Variants in PSKH1 observed in about 807,000 individuals in gnomAD.
PSKH1 encodes serine/threonine-protein kinase H1.
Under a neutral mutation model 26.7 loss-of-function variants are expected in PSKH1, and 12 were observed. The observed-to-expected ratio is 0.45, with a 90% CI of 0.29 to 0.73. PSKH1 has a LOEUF of 0.73. PSKH1 is among the 30% of genes least tolerant of loss of function. The probability of loss-of-function intolerance (pLI) is 0.11; values close to 1 mark genes in which losing one functional copy is unlikely to be tolerated. For missense variants in PSKH1, 431 were observed against 595.2 expected (o/e 0.72, Z 2.87); for synonymous variants, 213 against 234.3 (o/e 0.91, Z 0.83).
chr16:67,927,391 G>T lies in PSKH1; in HGVS notation c.1024G>T (p.Ala342Ser). The T allele has an allele frequency of 6.2e-7, 1 of 1,614,140 alleles. No homozygotes were observed. The highest frequency in any genetic ancestry group is 8.5e-7 in the Non-Finnish European group (1 of 1,179,990). Residue 342 changes from alanine to serine, a missense_variant, in exon 3 of 3, where the codon GCC (alanine) becomes TCC (serine). Coordinates refer to ENST00000291041, the MANE Select transcript of PSKH1 (RefSeq NM_006742.3). The surrounding 1 kb of genome is among the most constrained non-coding windows in gnomAD (Gnocchi z 5.5). ...IDRLLTVDPGARMTALQALRH... is the reference protein window; with the variant it reads ...IDRLLTVDPGSRMTALQALRH... ...CCGCCTGCTGACAGTGGACCCTGGA[G>T]CCCGTATGACTGCACTGCAGGCCCT...
At chr16:67,894,124 G>A (rs1472140987) in intron 1 of PSKH1, among the ~76,000 whole-genome samples, 2 of 152,138 alleles carry the variant, frequency 1.3e-5, no homozygotes, top group Non-Finnish European at 2.9e-5. Flanking sequence ...AACGTGTGGC[G>A]CTCCTGTTAG....
intron 2 of PSKH1, among the ~76,000 whole-genome samples, chr16:67,920,868 T>C (rs2151314579): frequency 6.6e-6 from 1 of 152,284 alleles, no homozygotes; most frequent in South Asian, 2.1e-4. Context: ...CCATCCCATA[T>C]TGACCTACCA....
At chr16:67,901,370 C>T (rs763329978) in intron 1 of PSKH1, among the ~76,000 whole-genome samples, 19 of 152,264 alleles carry the variant, frequency 1.2e-4, no homozygotes, top group Middle Eastern at 3.4e-3. Flanking sequence ...TTCGCTCTAT[C>T]GCCCAGGCTG....
intron 1 of PSKH1, among the ~76,000 whole-genome samples, chr16:67,904,821 A>ATTTTTT (rs942779122): frequency 1.7e-5 from 2 of 115,952 alleles, no homozygotes; most frequent in Non-Finnish European, 1.8e-5. Flanking sequence ...TCCTTTTTTA[A>ATTTTTT]TTTTTTTTTT....
intron 2 of PSKH1, among the ~76,000 whole-genome samples, chr16:67,925,200 T>TC (rs2058212718): frequency 2.8e-5 from 4 of 141,888 alleles, no homozygotes. Flanking sequence ...ATATGAATAT[T>TC]TTTTTTTTTT....
chr16:67,925,618 A>G (rs1476512558), intron 2 of PSKH1, among the ~76,000 whole-genome samples: 1 of 152,064 alleles, frequency 6.6e-6, no homozygotes, highest in African/African-American at 2.4e-5. Context: ...CGTTGGCTGC[A>G]TGCTCCTGGA....
At chr16:67,898,679 A>G (rs1356833872) in intron 1 of PSKH1, among the ~76,000 whole-genome samples, 1 of 144,550 alleles carries the variant, frequency 6.9e-6, no homozygotes, top group Non-Finnish European at 1.5e-5. Context: ...GCTGGAGTGC[A>G]GTGGCGCGAT....
intron 1 of PSKH1, among the ~76,000 whole-genome samples, chr16:67,894,994 G>C (rs1200622631): frequency 3.3e-5 from 5 of 150,358 alleles, no homozygotes; most frequent in Non-Finnish European, 7.4e-5. Flanking sequence ...CGCGATCTTG[G>C]CTCACTGCAA....
chr16:67,920,100 C>G (rs961816414), intron 2 of PSKH1, among the ~76,000 whole-genome samples: 1 of 152,160 alleles, frequency 6.6e-6, no homozygotes, highest in Non-Finnish European at 1.5e-5. Context: ...TCAGAGCCAT[C>G]CCTGGTGCGT....
At chr16:67,913,093 G>T (rs1482615495) in intron 2 of PSKH1, among the ~76,000 whole-genome samples, 2 of 152,040 alleles carry the variant, frequency 1.3e-5, no homozygotes, top group Non-Finnish European at 2.9e-5. Flanking sequence ...GCTGAGGTGG[G>T]AGGATCACTT....
rs1473017985 is a variant in PSKH1 at position 67,927,678 on chromosome 16, C to A, written c.*36C>A. On this transcript the variant is annotated 3_prime_UTR_variant, in exon 3 of 3. Coordinates refer to ENST00000291041, the MANE Select transcript of PSKH1 (RefSeq NM_006742.3). The surrounding 1 kb of genome is among the most constrained non-coding windows in gnomAD (Gnocchi z 5.5). ...TGTGCACACATGCAGCACGACCCAGCCTGGCCACACACTGTGGTGCCATCT... is the reference window on the plus strand; with the variant it reads ...TGTGCACACATGCAGCACGACCCAGACTGGCCACACACTGTGGTGCCATCT... 6.4e-7 allele frequency: 1 copy of A among 1,562,830 alleles called. No homozygotes were observed. The highest frequency in any genetic ancestry group is 8.6e-7 in the Non-Finnish European group (1 of 1,158,712).
intron 1 of PSKH1, among the ~76,000 whole-genome samples, chr16:67,895,237 T>TG (rs1321928997): frequency 6.6e-6 from 1 of 151,092 alleles, no homozygotes; most frequent in Admixed American, 6.6e-5. Flanking sequence ...TTTTTTTTTT[T>TG]TTGTTTAAAC....
chr16:67,917,830 G>A (rs971891462), intron 2 of PSKH1, among the ~76,000 whole-genome samples: 1 of 152,202 alleles, frequency 6.6e-6, no homozygotes, highest in Admixed American at 6.5e-5. Flanking sequence ...TGGAAGAGGG[G>A]TAAATGCTGA....
At chr16:67,901,664 T>C (rs2151310646) in intron 1 of PSKH1, among the ~76,000 whole-genome samples, 1 of 150,796 alleles carries the variant, frequency 6.6e-6, no homozygotes, top group African/African-American at 2.5e-5. Flanking sequence ...AGACATGGTC[T>C]TGCTCTGTTG....
intron 2 of PSKH1, among the ~76,000 whole-genome samples, chr16:67,919,394 C>A (rs1168858102): frequency 6.6e-6 from 1 of 152,208 alleles, no homozygotes; most frequent in Non-Finnish European, 1.5e-5. Context: ...GTTTAGAATT[C>A]TTTGCTATGA....
chr16:67,924,783 A>G (rs1598194285), intron 2 of PSKH1, among the ~76,000 whole-genome samples: 1 of 152,154 alleles, frequency 6.6e-6, no homozygotes, highest in East Asian at 1.9e-4. Flanking sequence ...GCCAGCAGGC[A>G]GCAGAGGTGT....
chr16:67,911,704 C>G (rs1022353805), intron 2 of PSKH1, among the ~76,000 whole-genome samples: 1 of 152,170 alleles, frequency 6.6e-6, no homozygotes, highest in African/African-American at 2.4e-5. Flanking sequence ...AAGAGTCACC[C>G]AACAGCCTCA....
Position 67,927,611 on chromosome 16 carries a change from A to G in PSKH1, c.1244A>G (p.Asn415Ser), listed in dbSNP as rs1484831785. The part of the protein sequence containing the change: ...RVRERELREL[N>S]LRYQQQYNG Reference sequence around the variant, plus strand: ...CGGGAACGGGAGCTGCGGGAGCTCAACCTGCGCTACCAGCAGCAATACAAT... The same window carrying G: ...CGGGAACGGGAGCTGCGGGAGCTCAGCCTGCGCTACCAGCAGCAATACAAT... The change falls in exon 3 of 3, where the codon AAC becomes AGC. Residue 415 changes from asparagine to serine, a missense_variant. Asn to Ser is a conservative substitution (Grantham distance 46, BLOSUM62 1). Coordinates refer to ENST00000291041, the MANE Select transcript of PSKH1 (RefSeq NM_006742.3). The surrounding 1 kb of genome is among the most constrained non-coding windows in gnomAD (Gnocchi z 5.5). 2 of 1,609,368 alleles carry G rather than the reference A, an allele frequency of 1.2e-6. No homozygotes were observed. The highest frequency in any genetic ancestry group is 1.7e-5 in the Admixed American group (1 of 60,014).
intron 2 of PSKH1, among the ~76,000 whole-genome samples, chr16:67,919,090 T>A (rs1414426042): frequency 6.6e-6 from 1 of 152,118 alleles, no homozygotes; most frequent in African/African-American, 2.4e-5. Flanking sequence ...TGAGCAGGGA[T>A]AGGACCTCAT....
Sources: gnomAD v4.1 joint callset for allele counts (sites outside exome capture counted in the v4.1 genomes callset) on GRCh38, gnomAD v4.1.1 for gene constraint, Gnocchi (gnomAD v3.1) non-coding constraint, MANE v1.5 for transcripts, NCBI Gene and HGNC (gene_info 2026-07-23, HGNC 2026-07-21) for gene names.